MED26: variants seen among roughly 807,000 people sequenced by gnomAD.
The protein encoded by MED26 is mediator of RNA polymerase II transcription subunit 26.
In MED26, 7 loss-of-function variants were observed where a neutral mutation model predicts 43.7. That is an observed-to-expected ratio of 0.16 (90% CI 0.09 to 0.30). The LOEUF (loss-of-function observed/expected upper bound fraction) is 0.30, where lower values mean the gene tolerates loss of function less well. MED26 is among the 10% of genes least tolerant of loss of function. The pLI, the probability that MED26 is intolerant of heterozygous loss-of-function variation, is 1.00. For missense variants in MED26, 784 were observed against 840.6 expected (o/e 0.93, Z 0.83); for synonymous variants, 375 against 371.1 (o/e 1.01, Z -0.12).
intron 1 of MED26, among the ~76,000 whole-genome samples, chr19:16,606,068 C>A (rs1157305559): frequency 6.6e-6 from 1 of 152,230 alleles, no homozygotes; most frequent in Non-Finnish European, 1.5e-5. Context: ...GACAGCCAGA[C>A]AGAGCCAAGC....
intron 1 of MED26, among the ~76,000 whole-genome samples, chr19:16,607,375 GAA>G (rs898413432): frequency 1.8e-4 from 20 of 111,452 alleles, no homozygotes; most frequent in Non-Finnish European, 2.5e-4. Flanking sequence ...CTTTTGTGGG[GAA>G]AAAAAAAAAA....
chr19:16,602,792 G>T (rs763503694), intron 1 of MED26, among the ~76,000 whole-genome samples: 1 of 152,172 alleles, frequency 6.6e-6, no homozygotes, highest in African/African-American at 2.4e-5. Context: ...CAAAATCAGA[G>T]AGGTGGAAAG....
At chr19:16,623,593 C>T (rs953118107) in intron 1 of MED26, among the ~76,000 whole-genome samples, 2 of 152,188 alleles carry the variant, frequency 1.3e-5, no homozygotes, top group Non-Finnish European at 2.9e-5. Context: ...AAGATGTTCA[C>T]GGGACAGGCT....
At chr19:16,578,535 C>A in intron 1 of MED26, 126 bp from the exon 2 acceptor site, 2 of 824,850 alleles carry the variant, frequency 2.4e-6, no homozygotes, top group South Asian at 1.7e-5. Context: ...GCACTGAAGC[C>A]CCCACTCCAT....
Position 16,578,430 on chromosome 19 carries a change from T to C in MED26, c.73-21A>G, listed in dbSNP as rs201809199. On this transcript the variant is annotated intron_variant, in intron 1 of 2. Transcript: ENST00000263390. ...CGGATCTGTGGAAATAAAAAGCCAT[T>C]TGTCAGGTCCCTGTCCTTCTCCACT... The C allele has an allele frequency of 4.7e-5, 76 of 1,612,812 alleles. 1 individual carries two copies. In the Admixed American group the frequency reaches 1.3e-3, roughly 27 times the overall value.
At chr19:16,591,705 AACG>A (rs1375276003) in intron 1 of MED26, among the ~76,000 whole-genome samples, 1 of 152,210 alleles carries the variant, frequency 6.6e-6, no homozygotes, top group African/African-American at 2.4e-5. Context: ...GTCTTGGGCA[AACG>A]ACAGTCTGCT....
intron 1 of MED26, among the ~76,000 whole-genome samples, chr19:16,596,566 G>C (rs2086120804): frequency 6.6e-6 from 1 of 152,246 alleles, no homozygotes; most frequent in South Asian, 2.1e-4. Context: ...AACTCAGACA[G>C]GCATGTGTCA....
chr19:16,619,349 C>G (rs145482816), intron 1 of MED26, among the ~76,000 whole-genome samples: 1,847 of 152,288 alleles, frequency 0.012, 119 homozygotes, highest in Admixed American at 0.11. Flanking sequence ...GGCTGGCCTG[C>G]AGAACAGGAG....
chr19:16,614,050 C>T (rs1234089147), intron 1 of MED26, among the ~76,000 whole-genome samples: 1 of 152,206 alleles, frequency 6.6e-6, no homozygotes. Context: ...AGGCATTGTG[C>T]CAGGCTCTCA....
At chr19:16,607,422 T>C (rs2086179040) in intron 1 of MED26, among the ~76,000 whole-genome samples, 1 of 150,108 alleles carries the variant, frequency 6.7e-6, no homozygotes, top group Non-Finnish European at 1.5e-5. Context: ...GTGTGCCTCG[T>C]GCCTTCTGAA....
chr19:16,612,722 A>G (rs993890499), intron 1 of MED26, among the ~76,000 whole-genome samples: 1 of 152,232 alleles, frequency 6.6e-6, no homozygotes, highest in African/African-American at 2.4e-5. Context: ...TTGGAAAAGT[A>G]CAGGCAGCTT....
chr19:16,609,439 G>T (rs2122437074), intron 1 of MED26, among the ~76,000 whole-genome samples: 1 of 151,994 alleles, frequency 6.6e-6, no homozygotes, highest in East Asian at 1.9e-4. Flanking sequence ...GAAGCAATTG[G>T]CTATATGGAA....
At chr19:16,607,162 T>C (rs2086177262) in intron 1 of MED26, among the ~76,000 whole-genome samples, 1 of 151,928 alleles carries the variant, frequency 6.6e-6, no homozygotes, top group African/African-American at 2.4e-5. Context: ...GGCAACATAG[T>C]GAGACCCTGT....
chr19:16,587,016 C>T lies in MED26; in HGVS notation c.73-8607G>A, dbSNP rs1004311758. The stretch of plus-strand genomic sequence containing the variant: ...TTCATCAGCAAGCAAGCTGTCCTTC[C>T]AAACCCAAACATGCCACAGATGGCA... On this transcript the variant is annotated intron_variant, in intron 1 of 2. Transcript: ENST00000263390. This position sits in a 1 kb window ranked among gnomAD's most constrained non-coding sequence, Gnocchi z 4.9. 1.1e-4 allele frequency: 16 copies of T among 152,050 alleles called. No homozygotes were observed. The highest frequency in any genetic ancestry group is 1.0e-3 in the Admixed American group (16 of 15,274). The allele number at this position is 152,050 out of a possible 1,614,324, so 9.4% of individuals were successfully genotyped here.
chr19:16,607,546 G>C (rs1053813670), intron 1 of MED26, among the ~76,000 whole-genome samples: 4 of 152,154 alleles, frequency 2.6e-5, no homozygotes, highest in Non-Finnish European at 5.9e-5. Flanking sequence ...TGATTAATGT[G>C]AGTTGAAGGC....
At chr19:16,622,325 G>A (rs1301405288) in intron 1 of MED26, among the ~76,000 whole-genome samples, 1 of 152,124 alleles carries the variant, frequency 6.6e-6, no homozygotes, top group African/African-American at 2.4e-5. Flanking sequence ...CCTATGAGGC[G>A]CCAAGCCCCT....
chr19:16,594,667 A>T (rs1042356715), intron 1 of MED26, among the ~76,000 whole-genome samples: 1 of 151,902 alleles, frequency 6.6e-6, no homozygotes, highest in African/African-American at 2.4e-5. Context: ...AAAAACCAGA[A>T]CTTTCTTCAT....
At chr19:16,616,683 T>G (rs909283777) in intron 1 of MED26, among the ~76,000 whole-genome samples, 2 of 152,138 alleles carry the variant, frequency 1.3e-5, no homozygotes, top group African/African-American at 4.8e-5. Flanking sequence ...AGAGAGCAAG[T>G]GTCCAGGTGC....
chr19:16,590,461 C>G lies in MED26; in HGVS notation c.73-12052G>C, dbSNP rs375135083. 7.9e-5 allele frequency among the ~76,000 whole-genome samples: 12 copies of G among 152,340 alleles called. No individual in the cohort carries two copies. The East Asian group carries it at 2.1e-3, about 27-fold the overall frequency. ...GGACAGTGAAGAAATGCCTCTTCTA[C>G]TCCTAGTTTGCTGAGAGGTTTTATC... On this transcript the variant is annotated intron_variant, in intron 1 of 2. Coordinates refer to ENST00000263390, the MANE Select transcript of MED26 (RefSeq NM_004831.5).
Sources: gnomAD v4.1 joint callset for allele counts (sites outside exome capture counted in the v4.1 genomes callset) on GRCh38, gnomAD v4.1.1 for gene constraint, Gnocchi (gnomAD v3.1) non-coding constraint, MANE v1.5 for transcripts, NCBI Gene and HGNC (gene_info 2026-07-23, HGNC 2026-07-21) for gene names.